The following HECW1 variants were observed in gnomAD, a reference collection of about 807,000 sequenced individuals.
The protein encoded by HECW1 is HECT, C2 and WW domain containing E3 ubiquitin protein ligase 1.
Under a neutral mutation model 182.3 loss-of-function variants are expected in HECW1, and 61 were observed. The ratio of observed to expected loss-of-function variants is 0.33; its 90% confidence interval spans 0.27 to 0.41. The LOEUF (loss-of-function observed/expected upper bound fraction) is 0.41. Among genes scored for constraint, HECW1 ranks in the 10% least tolerant of loss-of-function variants. HECW1 has a pLI of 1.00. For synonymous variants in HECW1, 859 were observed against 832.6 expected, an observed-to-expected ratio of 1.03 and a Z score of -0.55; for missense variants, 1,739 against 2,108.9, an observed-to-expected ratio of 0.82 and a Z score of 3.44.
intron 26 of HECW1, among the ~76,000 whole-genome samples, chr7:43,545,082 A>G (rs1234633165): frequency 2.0e-5 from 3 of 152,216 alleles, no homozygotes; most frequent in African/African-American, 7.2e-5. Context: ...TGGGCAACAT[A>G]GCAAGACCCC....
intron 26 of HECW1, among the ~76,000 whole-genome samples, chr7:43,549,496 A>C (rs1388958087): frequency 6.6e-6 from 1 of 152,312 alleles, no homozygotes; most frequent in South Asian, 2.1e-4. Flanking sequence ...GTGAGCCCTT[A>C]AGTGAATTTA....
chr7:43,341,241 A>G (rs1812947223), intron 5 of HECW1, among the ~76,000 whole-genome samples: 1 of 151,476 alleles, frequency 6.6e-6, no homozygotes, highest in Non-Finnish European at 1.5e-5. Context: ...GCAAACTAAC[A>G]TTGCACATGT....
At chr7:43,476,611 C>T (rs904503020) in intron 16 of HECW1, among the ~76,000 whole-genome samples, 5 of 152,062 alleles carry the variant, frequency 3.3e-5, no homozygotes, top group South Asian at 4.2e-4. Flanking sequence ...TGGAATAGTG[C>T]GGTACCAGTG....
At chr7:43,124,662 C>T (rs55825787) in intron 2 of HECW1, among the ~76,000 whole-genome samples, 27,906 of 152,100 alleles carry the variant, frequency 0.18, 2,895 homozygotes, top group South Asian at 0.24. Context: ...GTGGCATCAA[C>T]GATCGAGGTG....
intron 8 of HECW1, among the ~76,000 whole-genome samples, chr7:43,409,287 T>A (rs1481450074): frequency 6.6e-6 from 1 of 152,178 alleles, no homozygotes; most frequent in East Asian, 1.9e-4. Context: ...GAATAATGAA[T>A]CTTAATTTGT....
intron 8 of HECW1, among the ~76,000 whole-genome samples, chr7:43,425,307 T>TAGAC (rs2076326373): frequency 7.3e-6 from 1 of 137,248 alleles, no homozygotes; most frequent in South Asian, 2.2e-4. Flanking sequence ...AGATAGATGA[T>TAGAC]AGATAGATAG....
intron 2 of HECW1, among the ~76,000 whole-genome samples, chr7:43,164,383 A>G (rs1301461232): frequency 2.0e-5 from 3 of 152,324 alleles, no homozygotes; most frequent in African/African-American, 4.8e-5. Context: ...AGTGTTTTGC[A>G]TAAGTTGAGT....
chr7:43,327,231 A>G (rs1054051472), intron 5 of HECW1, among the ~76,000 whole-genome samples: 1 of 152,194 alleles, frequency 6.6e-6, no homozygotes, highest in African/African-American at 2.4e-5. Flanking sequence ...ACTGCTTCAC[A>G]GGTTTTCTGT....
chr7:43,188,815 T>A (rs1793641423), intron 2 of HECW1, among the ~76,000 whole-genome samples: 1 of 152,226 alleles, frequency 6.6e-6, no homozygotes, highest in African/African-American at 2.4e-5. Flanking sequence ...TGGGGATACT[T>A]GGCCAACAGT....
intron 2 of HECW1, chr7:43,119,021 G>A (rs931103260): frequency 3.1e-4 from 47 of 152,132 alleles, no homozygotes; most frequent in African/African-American, 1.1e-3. Flanking sequence ...ATATTTTATT[G>A]TGACATATTT....
chr7:43,218,135 G>A (rs1796601273), intron 2 of HECW1, among the ~76,000 whole-genome samples: 1 of 152,196 alleles, frequency 6.6e-6, no homozygotes, highest in South Asian at 2.1e-4. Flanking sequence ...GATTTTGCAG[G>A]TGAAAACTGA....
chr7:43,223,534 G>A (rs1319005071), intron 2 of HECW1, among the ~76,000 whole-genome samples: 10 of 151,918 alleles, frequency 6.6e-5, no homozygotes, highest in Admixed American at 5.2e-4. Flanking sequence ...CAGGAGAATC[G>A]CTTGAACCTG....
intron 2 of HECW1, among the ~76,000 whole-genome samples, chr7:43,227,286 C>G (rs1043869442): frequency 6.6e-6 from 1 of 151,458 alleles, no homozygotes; most frequent in South Asian, 2.1e-4. Flanking sequence ...AACAAATGGT[C>G]ATTTTTTTTT....
chr7:43,285,682 C>T lies in HECW1; in HGVS notation c.28-26081C>T, dbSNP rs544247149. On this transcript the variant is annotated intron_variant, in intron 3 of 29. Transcript: ENST00000395891. ...TTAAAAATAGCTGGGTGTGGTGGCT[C>T]ATGCAGGTGGCTGAGGTGGGAGGAT... 3.3e-5 allele frequency among the ~76,000 whole-genome samples: 5 copies of T among 152,062 alleles called. No individual in the cohort carries two copies. In the East Asian group the frequency reaches 7.7e-4, roughly 24 times the overall value.
Position 43,564,042 on chromosome 7 carries a change from TGATATA to T in HECW1, c.*2119_*2124del. ...GACAGGATGGAATCTGTAAGTTATATGATATAGAATTTGAGGGATATGTAAAATTCA... is the reference window on the plus strand; with the variant it reads ...GACAGGATGGAATCTGTAAGTTATATGAATTTGAGGGATATGTAAAATTCA... On this transcript the variant is annotated 3_prime_UTR_variant, in exon 30 of 30. Transcript: ENST00000395891. 1 of 186,634 alleles carries T rather than the reference TGATATA, an allele frequency of 5.4e-6. No homozygotes were observed. The allele number at this position is 186,634 out of a possible 1,614,324, so 11.6% of individuals were successfully genotyped here.
intron 2 of HECW1, chr7:43,118,471 A>G (rs191182926): frequency 2.6e-5 from 4 of 152,664 alleles, no homozygotes; most frequent in African/African-American, 7.2e-5. Flanking sequence ...AGACCTTGCC[A>G]TCAGTGCCGT....
chr7:43,129,911 G>A (rs1233672361), intron 2 of HECW1, among the ~76,000 whole-genome samples: 1 of 152,170 alleles, frequency 6.6e-6, no homozygotes, highest in Non-Finnish European at 1.5e-5. Context: ...TATGTAAATA[G>A]GGGTTATATT....
At position 43,444,452 on chromosome 7, in the gene HECW1, A is replaced by C; in HGVS notation, c.1280A>C (p.Asp427Ala). The change falls in exon 11 of 30, where the codon GAC becomes GCC. Residue 427 changes from aspartate (D) to alanine (A), a missense_variant. Coordinates refer to ENST00000395891, the MANE Select transcript of HECW1 (RefSeq NM_015052.5). The surrounding 1 kb of genome is among the most constrained non-coding windows in gnomAD (Gnocchi z 4.3). ...EEAAVITEAG[D>A]QGMVSVGPEG... ...GCAGCAGTCATCACGGAGGCAGGAG[A>C]CCAGGGCATGGTCTCTGTGGGACCT... The C allele has an allele frequency of 2.5e-6, 4 of 1,613,622 alleles. No homozygotes were observed. Among genetic ancestry groups the C allele is most frequent in the Non-Finnish European group, 3.4e-6 (4 of 1,179,848 alleles).
At chr7:43,462,958 C>A (rs1368572576) in intron 13 of HECW1, among the ~76,000 whole-genome samples, 1 of 152,192 alleles carries the variant, frequency 6.6e-6, no homozygotes, top group African/African-American at 2.4e-5. Flanking sequence ...TGTCCCATTT[C>A]CCTTTTGTTA....
Sources: gnomAD v4.1 joint callset for allele counts (sites outside exome capture counted in the v4.1 genomes callset) on GRCh38, gnomAD v4.1.1 for gene constraint, Gnocchi (gnomAD v3.1) non-coding constraint, MANE v1.5 for transcripts, NCBI Gene and HGNC (gene_info 2026-07-23, HGNC 2026-07-21) for gene names.